PPFIA2: variants seen among roughly 807,000 people sequenced by gnomAD.
The protein encoded by PPFIA2 is PPFI scaffold protein A2, also known as liprin-alpha-2.
In PPFIA2, 46 loss-of-function variants were observed where a neutral mutation model predicts 175.5. That is an observed-to-expected ratio of 0.26 (90% CI 0.21 to 0.34). The LOEUF is 0.34. PPFIA2 is among the 10% of genes least tolerant of loss of function. The pLI, the probability that PPFIA2 is intolerant of heterozygous loss-of-function variation, is 1.00. For synonymous variants in PPFIA2, 568 were observed against 511.4 expected, an observed-to-expected ratio of 1.11 and a Z score of -1.49; for missense variants, 1,179 against 1,506.1, an observed-to-expected ratio of 0.78 and a Z score of 3.60.
At chr12:81,299,188 C>T in intron 23 of PPFIA2, 113 bp downstream of exon 23, 3 of 1,355,788 alleles carry the variant, frequency 2.2e-6, no homozygotes, top group Non-Finnish European at 2.9e-6. Context: ...CCCTTATGAG[C>T]AATTCCAGAC....
At chr12:81,666,359 C>T (rs2070277290) in intron 4 of PPFIA2, among the ~76,000 whole-genome samples, 1 of 152,138 alleles carries the variant, frequency 6.6e-6, no homozygotes, top group South Asian at 2.1e-4. Context: ...TTGGAACCAA[C>T]CCAAATATCC....
chr12:81,697,137 T>G (rs2075987702), intron 3 of PPFIA2, among the ~76,000 whole-genome samples: 1 of 152,118 alleles, frequency 6.6e-6, no homozygotes, highest in African/African-American at 2.4e-5. Flanking sequence ...TTAATTAATA[T>G]GTTTAAAATG....
At chr12:81,688,125 C>A (rs1187026179) in intron 3 of PPFIA2, among the ~76,000 whole-genome samples, 2 of 151,852 alleles carry the variant, frequency 1.3e-5, no homozygotes, top group Non-Finnish European at 2.9e-5. Context: ...TTTCACCAGT[C>A]ATATTAAAGC....
At chr12:81,427,681 T>C (rs957979081) in intron 7 of PPFIA2, among the ~76,000 whole-genome samples, 1 of 152,064 alleles carries the variant, frequency 6.6e-6, no homozygotes, top group South Asian at 2.1e-4. Flanking sequence ...TTTTATCACA[T>C]TCAAAGTATC....
chr12:81,448,459 C>A (rs1023918145), intron 5 of PPFIA2, among the ~76,000 whole-genome samples: 1 of 152,176 alleles, frequency 6.6e-6, no homozygotes, highest in Non-Finnish European at 1.5e-5. Flanking sequence ...ATTCTCAAAA[C>A]ACTATTTCAG....
chr12:81,420,554 A>G lies in PPFIA2; in HGVS notation c.646-14651T>C, dbSNP rs775252498. 9.2e-4 allele frequency among the ~76,000 whole-genome samples: 140 copies of G among 152,212 alleles called. 1 individual carries two copies. The highest frequency in any genetic ancestry group is 1.8e-3 in the Non-Finnish European group (121 of 68,012). Reference sequence around the variant, plus strand: ...GAAAACTACAATAGAGTGCTTCAATAGCAGACTTGATCAAACAGAAGAAAG... The same window carrying G: ...GAAAACTACAATAGAGTGCTTCAATGGCAGACTTGATCAAACAGAAGAAAG... On this transcript the variant is annotated intron_variant, in intron 7 of 32. Coordinates refer to ENST00000549396, the MANE Select transcript of PPFIA2 (RefSeq NM_003625.5).
At chr12:81,683,349 A>AAT (rs34094230) in intron 3 of PPFIA2, among the ~76,000 whole-genome samples, 19 of 149,846 alleles carry the variant, frequency 1.3e-4, no homozygotes, top group South Asian at 2.1e-4. Context: ...TGAAAAAAAT[A>AAT]ATATATATAT....
chr12:81,377,376 C>T (rs1595801931), intron 9 of PPFIA2, among the ~76,000 whole-genome samples: 1 of 152,092 alleles, frequency 6.6e-6, no homozygotes, highest in South Asian at 2.1e-4. Context: ...ATGGTGAAAT[C>T]CCGTCTCTAC....
At chr12:81,472,702 T>C (rs1463070914) in intron 4 of PPFIA2, 2 of 152,036 alleles carry the variant, frequency 1.3e-5, no homozygotes, top group East Asian at 3.9e-4. Context: ...ATTGTTGCCA[T>C]TGGACCCATC....
At chr12:81,410,778 T>A (rs1002962333) in intron 7 of PPFIA2, among the ~76,000 whole-genome samples, 1 of 152,076 alleles carries the variant, frequency 6.6e-6, no homozygotes, top group Non-Finnish European at 1.5e-5. Flanking sequence ...TTACTTTACA[T>A]GTTTCTGGCT....
rs551918350 is a variant in PPFIA2, at chr12:81,521,574, T to C, written c.304-63708A>G. On this transcript the variant is annotated intron_variant, in intron 4 of 32. Coordinates refer to ENST00000549396, the MANE Select transcript of PPFIA2 (RefSeq NM_003625.5). ...TTTGTTAAAATCGTTGCCCAGCACT[T>C]TGGGACGCCGAGGCGGGCAGATCAC... 1.8e-4 allele frequency among the ~76,000 whole-genome samples: 27 copies of C among 151,536 alleles called. 1 individual carries two copies. In the East Asian group the frequency reaches 5.3e-3, roughly 30 times the overall value.
intron 4 of PPFIA2, among the ~76,000 whole-genome samples, chr12:81,519,612 C>G (rs1355523708): frequency 6.6e-6 from 1 of 152,118 alleles, no homozygotes; most frequent in Non-Finnish European, 1.5e-5. Flanking sequence ...ATTAAGTGAC[C>G]TACAATATAT....
At chr12:81,559,783 C>T (rs993480782) in intron 4 of PPFIA2, among the ~76,000 whole-genome samples, 3 of 148,832 alleles carry the variant, frequency 2.0e-5, no homozygotes, top group African/African-American at 7.5e-5. Flanking sequence ...TTACCCAATG[C>T]TTTTTACATG....
chr12:81,291,661 G>T (rs1441408180), intron 24 of PPFIA2, among the ~76,000 whole-genome samples: 1 of 151,966 alleles, frequency 6.6e-6, no homozygotes, highest in Non-Finnish European at 1.5e-5. Flanking sequence ...AAGAAAAGAA[G>T]AACTGTAAAA....
At chr12:81,398,370 C>T (rs147789090) in intron 8 of PPFIA2, among the ~76,000 whole-genome samples, 1 of 152,056 alleles carries the variant, frequency 6.6e-6, no homozygotes, top group Non-Finnish European at 1.5e-5. Context: ...CTCTTCCATC[C>T]TCTTAGAAAC....
intron 4 of PPFIA2, among the ~76,000 whole-genome samples, chr12:81,600,876 G>A (rs1415517698): frequency 6.6e-6 from 1 of 151,928 alleles, no homozygotes; most frequent in Non-Finnish European, 1.5e-5. Flanking sequence ...TAAACTCCAT[G>A]TACTTTTATG....
chr12:81,339,095 C>CAATGA lies in PPFIA2; in HGVS notation c.2548+80_2548+84dup, dbSNP rs547285419. The CAATGA allele has an allele frequency of 3.4e-6, 4 of 1,179,404 alleles. No individual in the cohort carries two copies. In the African/African-American group the frequency reaches 6.3e-5, roughly 19 times the overall value. 73.1% of individuals were successfully genotyped at this position (1,179,404 alleles called of 1,614,324 possible). On this transcript the variant is annotated intron_variant, in intron 21 of 32. Transcript: ENST00000549396. ...AAAAGAGAAGAAATGAAAAGAAGAGCAATGAAATGAAATGAAAGATAGATG... is the reference window on the plus strand; with the variant it reads ...AAAAGAGAAGAAATGAAAAGAAGAGCAATGAAATGAAATGAAATGAAAGATAGATG...
chr12:81,540,542 A>C (rs1231790958), intron 4 of PPFIA2, among the ~76,000 whole-genome samples: 1 of 152,054 alleles, frequency 6.6e-6, no homozygotes, highest in African/African-American at 2.4e-5. Flanking sequence ...TCTTTCATTA[A>C]GGGAAGAAAC....
chr12:81,598,594 C>A (rs1254799055), intron 4 of PPFIA2, among the ~76,000 whole-genome samples: 1 of 151,790 alleles, frequency 6.6e-6, no homozygotes, highest in Non-Finnish European at 1.5e-5. Context: ...ATCTTTTAGT[C>A]ACTCCCAGAC....
Sources: gnomAD v4.1 joint callset for allele counts (sites outside exome capture counted in the v4.1 genomes callset) on GRCh38, gnomAD v4.1.1 for gene constraint, MANE v1.5 for transcripts, NCBI Gene and HGNC (gene_info 2026-07-23, HGNC 2026-07-21) for gene names.